The following MYO1B variants were observed in gnomAD, a reference collection of about 807,000 sequenced individuals.
MYO1B encodes unconventional myosin-Ib.
MYO1B carries 72 observed loss-of-function variants against 159.7 expected under a neutral mutation model. The ratio of observed to expected loss-of-function variants is 0.45; its 90% confidence interval spans 0.37 to 0.55. The LOEUF (loss-of-function observed/expected upper bound fraction) is 0.55, where lower values mean the gene tolerates loss of function less well. MYO1B is among the 20% of genes least tolerant of loss of function. MYO1B has a pLI of 0.00. For missense variants in MYO1B, 1,062 were observed against 1,364.8 expected, an observed-to-expected ratio of 0.78 and a Z score of 3.50; for synonymous variants, 468 against 473.8, an observed-to-expected ratio of 0.99 and a Z score of 0.16.
chr2:191,363,999 G>T, intron 10 of MYO1B, 124 bp downstream of exon 10: 1 of 1,314,230 alleles, frequency 7.6e-7, no homozygotes, highest in Non-Finnish European at 1.1e-6. Context: ...TAATGAAACT[G>T]AGCAGAAATA....
intron 11 of MYO1B, among the ~76,000 whole-genome samples, chr2:191,365,775 C>A (rs1252226451): frequency 6.6e-6 from 1 of 152,056 alleles, no homozygotes; most frequent in Non-Finnish European, 1.5e-5. Flanking sequence ...AGATTTGGGG[C>A]ACATATCAGA....
chr2:191,376,658 A>G (rs897595410), intron 13 of MYO1B, among the ~76,000 whole-genome samples: 10 of 152,198 alleles, frequency 6.6e-5, no homozygotes, highest in South Asian at 2.1e-4. Context: ...GCTGAACTAT[A>G]AGAAACACTA....
chr2:191,281,457 C>T (rs1004426226), intron 2 of MYO1B, among the ~76,000 whole-genome samples: 1 of 152,184 alleles, frequency 6.6e-6, no homozygotes, highest in African/African-American at 2.4e-5. Context: ...GTCTGACAGG[C>T]TCCGTGGGGT....
At chr2:191,332,774 G>T (rs1691575214) in intron 4 of MYO1B, among the ~76,000 whole-genome samples, 1 of 152,146 alleles carries the variant, frequency 6.6e-6, no homozygotes, top group African/African-American at 2.4e-5. Context: ...TTTATCCACT[G>T]TACTAAGCTG....
intron 1 of MYO1B, among the ~76,000 whole-genome samples, chr2:191,259,675 T>C (rs1341840332): frequency 1.3e-5 from 2 of 152,180 alleles, no homozygotes; most frequent in African/African-American, 2.4e-5. Flanking sequence ...ACAGTAGATA[T>C]TGAGAACGAG....
chr2:191,419,215 T>C (rs903481932), intron 30 of MYO1B, among the ~76,000 whole-genome samples: 2 of 152,158 alleles, frequency 1.3e-5, no homozygotes, highest in African/African-American at 4.8e-5. Flanking sequence ...ATGTATTTAT[T>C]ATACTATACT....
rs539044972 is a variant in MYO1B, at chr2:191,367,816, G to T, written c.1033-1726G>T. Among the ~76,000 whole-genome samples, 30 of 152,250 alleles carry T rather than the reference G, an allele frequency of 2.0e-4. No individual in the cohort carries two copies. In the South Asian group the frequency reaches 5.8e-3, roughly 29 times the overall value. On this transcript the variant is annotated intron_variant, in intron 11 of 30. Transcript: ENST00000392318. The stretch of plus-strand genomic sequence containing the variant: ...TCATGAGGTAGTAGTAGACGAAAAG[G>T]ATACTTCAGAAATCAATATAAGTAC...
intron 24 of MYO1B, among the ~76,000 whole-genome samples, chr2:191,405,738 TAGTC>T (rs1478168101): frequency 6.6e-6 from 1 of 152,266 alleles, no homozygotes; most frequent in Non-Finnish European, 1.5e-5. Context: ...GGGCTTAAGA[TAGTC>T]AGTAAACCAT....
At chr2:191,313,297 G>A (rs557342406) in intron 3 of MYO1B, among the ~76,000 whole-genome samples, 85 of 142,862 alleles carry the variant, frequency 5.9e-4, no homozygotes, top group African/African-American at 2.1e-3. Flanking sequence ...TGCAACGTCT[G>A]CCTCCCGGGT....
chr2:191,384,925 A>G (rs1320265590), intron 15 of MYO1B, among the ~76,000 whole-genome samples: 3 of 152,208 alleles, frequency 2.0e-5, no homozygotes, highest in African/African-American at 7.2e-5. Flanking sequence ...TGTTATGAAC[A>G]CACTTGATTC....
intron 4 of MYO1B, among the ~76,000 whole-genome samples, chr2:191,340,202 T>C (rs937645853): frequency 6.6e-6 from 1 of 152,050 alleles, no homozygotes; most frequent in Non-Finnish European, 1.5e-5. Context: ...GCCCAATCAA[T>C]GGAAAACAGA....
At chr2:191,391,117 C>T (rs898054272) in intron 18 of MYO1B, among the ~76,000 whole-genome samples, 3 of 152,236 alleles carry the variant, frequency 2.0e-5, no homozygotes, top group Non-Finnish European at 4.4e-5. Context: ...GCAGAGAGAA[C>T]TGTGTACTGA....
chr2:191,360,053 C>T (rs1466062647), intron 7 of MYO1B, among the ~76,000 whole-genome samples: 1 of 152,178 alleles, frequency 6.6e-6, no homozygotes, highest in East Asian at 1.9e-4. Context: ...CGTTGCTTCT[C>T]CCAGGTAGTG....
rs574348052 is a variant in MYO1B at position 191,318,501 on chromosome 2, G to A, written c.252-11434G>A. On this transcript the variant is annotated intron_variant, in intron 3 of 30. Transcript: ENST00000392318. ...TAGAGCTCCCAAGGACCTGATGCCT[G>A]TCTCCAGATTACCCTGAAGCAGTCT... Among the ~76,000 whole-genome samples, 6 of 152,274 alleles carry A rather than the reference G, an allele frequency of 3.9e-5. No individual in the cohort carries two copies. In the South Asian group the frequency reaches 1.0e-3, roughly 26 times the overall value.
At chr2:191,351,232 C>T (rs1692904784) in intron 7 of MYO1B, among the ~76,000 whole-genome samples, 1 of 151,074 alleles carries the variant, frequency 6.6e-6, no homozygotes. Flanking sequence ...CCAAAGTGTG[C>T]TCATTTATTT....
chr2:191,336,666 T>G (rs953685260), intron 4 of MYO1B, among the ~76,000 whole-genome samples: 8 of 152,200 alleles, frequency 5.3e-5, no homozygotes, highest in Admixed American at 4.6e-4. Flanking sequence ...TCCATTTGGA[T>G]GTGCGGGAGC....
rs1044086754 is a variant in MYO1B, at chr2:191,377,567, A to G, written c.1186-3895A>G. The G allele has an allele frequency of 5.3e-5, 8 of 152,244 alleles. No individual in the cohort carries two copies. In the South Asian group the frequency reaches 1.7e-3, roughly 32 times the overall value. The allele number at this position is 152,244 out of a possible 1,614,324, so 9.4% of individuals were successfully genotyped here. A position where few individuals can be genotyped will look rare whatever the true frequency, so the allele number is the denominator to read the frequency against. On this transcript the variant is annotated intron_variant, in intron 13 of 30. Coordinates refer to ENST00000392318, the MANE Select transcript of MYO1B (RefSeq NM_001130158.3). ...TATAAAGTTGCTTTGGGGCCTTCCT[A>G]TTCATCTGGTGGTTTCTAGTCTCAG...
chr2:191,277,049 C>T lies in MYO1B; in HGVS notation c.135+19C>T. ...AATATACGTAAGTACACACGAAGGT[C>T]ATCTGTAATGTTTAGACTTTGTATT... On this transcript the variant is annotated intron_variant, in intron 2 of 30. Coordinates refer to ENST00000392318, the MANE Select transcript of MYO1B (RefSeq NM_001130158.3). The T allele has an allele frequency of 6.2e-7, 1 of 1,610,658 alleles. No individual in the cohort carries two copies. The highest frequency in any genetic ancestry group is 8.5e-7 in the Non-Finnish European group (1 of 1,179,166).
chr2:191,378,573 T>C (rs1694853907), intron 13 of MYO1B, among the ~76,000 whole-genome samples: 1 of 152,202 alleles, frequency 6.6e-6, no homozygotes, highest in Non-Finnish European at 1.5e-5. Flanking sequence ...TTCACTTTTT[T>C]TGTGGATCTT....
Sources: allele counts gnomAD v4.1 joint callset (sites outside exome capture counted in the v4.1 genomes callset), GRCh38; gene constraint gnomAD v4.1.1; transcripts MANE v1.5; gene names NCBI Gene and HGNC (gene_info 2026-07-23, HGNC 2026-07-21).